PRPF19: variants seen among roughly 807,000 people sequenced by gnomAD.
The protein encoded by PRPF19 is pre-mRNA processing factor 19.
PRPF19 carries 2 observed loss-of-function variants against 64.2 expected under a neutral mutation model. The observed-to-expected ratio is 0.03, with a 90% CI of 0.01 to 0.10. PRPF19 has a LOEUF of 0.10. PRPF19 is among the 10% of genes least tolerant of loss of function. The pLI is 1.00. For missense variants in PRPF19, 314 were observed against 650.0 expected, an observed-to-expected ratio of 0.48 and a Z score of 5.62; for synonymous variants, 226 against 251.6, an observed-to-expected ratio of 0.90 and a Z score of 0.96.
chr11:60,895,862 G>C (rs1855913890), intron 15 of PRPF19, among the ~76,000 whole-genome samples: 1 of 152,066 alleles, frequency 6.6e-6, no homozygotes, highest in Non-Finnish European at 1.5e-5. Flanking sequence ...CTGGTGGGTG[G>C]AGTGGTCAGA....
At chr11:60,900,526 G>A (rs981681832) in intron 10 of PRPF19, 56 bp downstream of exon 10, 13 of 1,367,796 alleles carry the variant, frequency 9.5e-6, no homozygotes, top group African/African-American at 2.9e-5. Context: ...AGCGGGGTGA[G>A]GGACAAACAA....
At chr11:60,899,014 G>A in intron 11 of PRPF19, 83 bp from the exon 12 acceptor site, 3 of 1,507,384 alleles carry the variant, frequency 2.0e-6, no homozygotes, top group Non-Finnish European at 2.7e-6. Flanking sequence ...CAGAGCCCCT[G>A]GTTTGGCAAA....
intron 10 of PRPF19, among the ~76,000 whole-genome samples, chr11:60,899,813 G>A (rs73493008): frequency 0.036 from 5,538 of 152,160 alleles, 312 homozygotes; most frequent in African/African-American, 0.13. Flanking sequence ...AGAGAATTTC[G>A]CGTCACTCAC....
intron 15 of PRPF19, among the ~76,000 whole-genome samples, chr11:60,894,133 T>C (rs1374856191): frequency 7.2e-5 from 11 of 152,216 alleles, no homozygotes; most frequent in Admixed American, 5.9e-4. Flanking sequence ...AGGGTGGTGT[T>C]TGCTGAAGGC....
chr11:60,902,933 C>A lies in PRPF19; in HGVS notation c.247-52G>T, dbSNP rs1855999794. ...GTGAGGTGGGGGGTGCAGGGAGTAC[C>A]CAGTGGAGTCAGCCCTTGGGGAGGG... On this transcript the variant is annotated intron_variant, in intron 3 of 15. Coordinates refer to ENST00000227524, the MANE Select transcript of PRPF19 (RefSeq NM_014502.5). The surrounding 1 kb of genome is among the most constrained non-coding windows in gnomAD (Gnocchi z 5.0). The A allele has an allele frequency of 1.3e-6, 2 of 1,591,078 alleles. No individual in the cohort carries two copies. Among genetic ancestry groups the A allele is most frequent in the African/African-American group, 1.3e-5 (1 of 74,688 alleles).
chr11:60,895,082 A>G (rs73491101), intron 15 of PRPF19, among the ~76,000 whole-genome samples: 3,513 of 152,322 alleles, frequency 0.023, 128 homozygotes, highest in African/African-American at 0.075. Flanking sequence ...CTTTGGCTTC[A>G]ATGTAAAATC....
In PRPF19 at chr11:60,898,088, G is replaced by A; in HGVS notation, c.1311+13C>T. 1 of 1,612,390 alleles carries A rather than the reference G, an allele frequency of 6.2e-7. No homozygotes were observed. The highest frequency in any genetic ancestry group is 8.5e-7 in the Non-Finnish European group (1 of 1,178,778). Reference sequence around the variant, plus strand: ...GACACAATGGAAAGCTGGGCGGAGGGGGAAGGGCACACCTCAAAGTTGTTA... The same window carrying A: ...GACACAATGGAAAGCTGGGCGGAGGAGGAAGGGCACACCTCAAAGTTGTTA... On this transcript the variant is annotated intron_variant, in intron 14 of 15. Transcript: ENST00000227524. This position sits in a 1 kb window ranked among gnomAD's most constrained non-coding sequence, Gnocchi z 4.6.
In PRPF19 at chr11:60,906,457, C is replaced by T. The variant is rs555911365; in HGVS notation, c.-75G>A. The T allele has an allele frequency of 4.4e-5, 65 of 1,468,772 alleles. No homozygotes were observed. The Admixed American group carries it at 5.7e-4, about 13-fold the overall frequency. 91.0% of individuals were successfully genotyped at this position (1,468,772 alleles called of 1,614,324 possible). A position where few individuals can be genotyped will look rare whatever the true frequency, so the allele number is the denominator to read the frequency against. On this transcript the variant is annotated 5_prime_UTR_variant, in exon 1 of 16. Transcript: ENST00000227524. ...CTTCTGAGCCTCCGCGAGCCACTTC[C>T]GGTCCCCCGCTGCTGCCGGGACTGC...
chr11:60,903,724 T>C lies in PRPF19; in HGVS notation c.157A>G (p.Ile53Val), dbSNP rs1856011053. 1 of 1,595,590 alleles carries C rather than the reference T, an allele frequency of 6.3e-7. No homozygotes were observed. The highest frequency in any genetic ancestry group is 8.5e-7 in the Non-Finnish European group (1 of 1,173,362). Residue 53 changes from isoleucine to valine, a missense_variant, in exon 2 of 16, where the codon ATC becomes GTC. Coordinates refer to ENST00000227524, the MANE Select transcript of PRPF19 (RefSeq NM_014502.5). ...AGCCAATAGGCACCTTTGATGTCGA[T>C]GAGCTGCTCCTCGGAGAGAGGCTGG... is the stretch of plus-strand genomic sequence containing the variant. ...NNQPLSEEQL[I>V]DIKVAHPIRP... is the part of the protein sequence containing the mutation.
chr11:60,905,313 CG>C (rs1162161832), intron 1 of PRPF19: 1 of 152,128 alleles, frequency 6.6e-6, no homozygotes, highest in Non-Finnish European at 1.5e-5. Context: ...TGCTGGGGAA[CG>C]TAAAAGAGAG....
chr11:60,900,230 T>C (rs986883589), intron 10 of PRPF19, among the ~76,000 whole-genome samples: 1 of 152,258 alleles, frequency 6.6e-6, no homozygotes. Flanking sequence ...AAAGCAGATA[T>C]ATCTGTCCTC....
At chr11:60,891,803 C>G (rs1287038969) in intron 15 of PRPF19, among the ~76,000 whole-genome samples, 1 of 152,200 alleles carries the variant, frequency 6.6e-6, no homozygotes, top group African/African-American at 2.4e-5. Context: ...AAAAAGCTCA[C>G]GCTGTATTTT....
Position 60,897,899 on chromosome 11 carries a change from G to A in PRPF19, c.1364C>T (p.Thr455Met), listed in dbSNP as rs752566353. 6.2e-6 allele frequency: 10 copies of A among 1,614,192 alleles called. No individual in the cohort carries two copies. Among genetic ancestry groups the A allele is most frequent in the Non-Finnish European group, 8.5e-6 (10 of 1,180,034 alleles). ...QSGTYLALGG[T>M]DVQIYICKQW... is the part of the protein sequence containing the mutation. ...TTTGCAGATGTAGATCTGGACATCC[G>A]TGCCCCCAAGAGCCAGGTAGGTACC... The change falls in exon 15 of 16, where the codon ACG becomes ATG. Residue 455 changes from threonine to methionine, a missense_variant. By Grantham distance (81) the Thr-to-Met change is moderately conservative. Transcript: ENST00000227524.
At chr11:60,905,621 A>C (rs1856037046) in intron 1 of PRPF19, among the ~76,000 whole-genome samples, 1 of 152,236 alleles carries the variant, frequency 6.6e-6, no homozygotes, top group Non-Finnish European at 1.5e-5. Flanking sequence ...GTGTCACCTA[A>C]CTACGTCACC....
chr11:60,898,036 A>G lies in PRPF19; in HGVS notation c.1311+65T>C. 6.2e-7 allele frequency: 1 copy of G among 1,606,634 alleles called. No individual in the cohort carries two copies. The highest frequency in any genetic ancestry group is 1.1e-5 in the South Asian group (1 of 90,628). On this transcript the variant is annotated intron_variant, in intron 14 of 15. Transcript: ENST00000227524. The surrounding 1 kb of genome is among the most constrained non-coding windows in gnomAD (Gnocchi z 4.6). ...CGGATAAGCAGAAGCAATTAGATTA[A>G]TTCAATAAATAATTGACAAACAAGG... is the stretch of plus-strand genomic sequence containing the variant.
Position 60,898,407 on chromosome 11 carries a change from CCAT to C in PRPF19, c.1140+131_1140+133del. The C allele has an allele frequency of 6.5e-7, 1 of 1,529,324 alleles. No individual in the cohort carries two copies. The highest frequency in any genetic ancestry group is 8.8e-7 in the Non-Finnish European group (1 of 1,131,682). 94.7% of individuals were successfully genotyped at this position (1,529,324 alleles called of 1,614,324 possible). On this transcript the variant is annotated intron_variant, in intron 13 of 15. Coordinates refer to ENST00000227524, the MANE Select transcript of PRPF19 (RefSeq NM_014502.5). The surrounding 1 kb of genome is among the most constrained non-coding windows in gnomAD (Gnocchi z 4.6). ...AGCCAGCGGGACCCCCCAGACCACACCATCATATCACACACGCACAGCCAGTGT... is the reference window on the plus strand; with the variant it reads ...AGCCAGCGGGACCCCCCAGACCACACCATATCACACACGCACAGCCAGTGT...
Position 60,902,474 on chromosome 11 carries a change from A to T in PRPF19, c.463-9T>A, listed in dbSNP as rs1231495487. 7 of 1,613,816 alleles carry T rather than the reference A, an allele frequency of 4.3e-6. No homozygotes were observed. Among genetic ancestry groups the T allele is most frequent in the Non-Finnish European group, 5.9e-6 (7 of 1,179,900 alleles). On this transcript the variant is annotated splice_polypyrimidine_tract_variant and intron_variant, in intron 5 of 15. Coordinates refer to ENST00000227524, the MANE Select transcript of PRPF19 (RefSeq NM_014502.5). The surrounding 1 kb of genome is among the most constrained non-coding windows in gnomAD (Gnocchi z 5.0). Reference sequence around the variant, plus strand: ...ATTGGCTCACCCGCACCCTGAAGAGAAGAAAGGTGAGGGTGAGAGGCACAG... The same window carrying T: ...ATTGGCTCACCCGCACCCTGAAGAGTAGAAAGGTGAGGGTGAGAGGCACAG...
intron 6 of PRPF19, among the ~76,000 whole-genome samples, chr11:60,901,935 A>G (rs927897942): frequency 6.6e-6 from 1 of 152,222 alleles, no homozygotes; most frequent in Non-Finnish European, 1.5e-5. Context: ...TGAGAATCCC[A>G]CTGGACTTGC....
At chr11:60,900,713 C>G (rs758308868) in intron 9 of PRPF19, 22 bp from the exon 10 acceptor site, 5 of 1,559,886 alleles carry the variant, frequency 3.2e-6, no homozygotes, top group African/African-American at 2.7e-5. Flanking sequence ...CCAAAAAGAC[C>G]AAACAATGAG....
Sources: gnomAD v4.1 joint callset for allele counts (sites outside exome capture counted in the v4.1 genomes callset) on GRCh38, gnomAD v4.1.1 for gene constraint, Gnocchi (gnomAD v3.1) non-coding constraint, MANE v1.5 for transcripts, NCBI Gene and HGNC (gene_info 2026-07-23, HGNC 2026-07-21) for gene names.